Variants in MAML3 observed in about 807,000 individuals in gnomAD.
MAML3 encodes the protein mastermind-like protein 3.
A neutral mutation model predicts 101.9 loss-of-function variants in MAML3; 27 were observed. That is an observed-to-expected ratio of 0.27 (90% confidence interval 0.20 to 0.37). MAML3 has a LOEUF of 0.37. Ranked by LOEUF, MAML3 falls within the 10% of genes least tolerant of loss-of-function variation. The pLI is 1.00. For missense variants in MAML3, 1,316 were observed against 1,444.9 expected (o/e 0.91, Z 1.45); for synonymous variants, 501 against 555.9 (o/e 0.90, Z 1.39).
At chr4:139,796,473 C>G (rs973378739) in intron 2 of MAML3, among the ~76,000 whole-genome samples, 2 of 152,200 alleles carry the variant, frequency 1.3e-5, no homozygotes, top group Non-Finnish European at 2.9e-5. Context: ...TTTCAAGATA[C>G]ACTACCCTCT....
chr4:140,114,593 C>T (rs1222638508), intron 1 of MAML3, among the ~76,000 whole-genome samples: 1 of 152,148 alleles, frequency 6.6e-6, no homozygotes, highest in Non-Finnish European at 1.5e-5. Context: ...TGTATTTCTC[C>T]CCAATAAGCC....
intron 1 of MAML3, among the ~76,000 whole-genome samples, chr4:139,898,672 T>G (rs1732659689): frequency 6.6e-6 from 1 of 152,194 alleles, no homozygotes; most frequent in South Asian, 2.1e-4. Context: ...AGAGAACATT[T>G]TGGTCATTTT....
At chr4:140,062,205 A>T (rs1025110544) in intron 1 of MAML3, among the ~76,000 whole-genome samples, 2 of 152,188 alleles carry the variant, frequency 1.3e-5, no homozygotes, top group Non-Finnish European at 2.9e-5. Context: ...TTTGAGTAAC[A>T]TACCTTCAGA....
rs559308724 is a variant in MAML3 at position 140,136,603 on chromosome 4, C to G, written c.468+16257G>C. On this transcript the variant is annotated intron_variant, in intron 1 of 4. Coordinates refer to ENST00000509479, the MANE Select transcript of MAML3 (RefSeq NM_018717.5). Reference sequence around the variant, plus strand: ...CGATATTAGGAGTAATTTAACCGAACCCATGGTTAATCTCCCTCTTTATAG... The same window carrying G: ...CGATATTAGGAGTAATTTAACCGAAGCCATGGTTAATCTCCCTCTTTATAG... Among the ~76,000 whole-genome samples, 18 of 152,248 alleles carry G rather than the reference C, an allele frequency of 1.2e-4. 1 individual carries two copies. In the South Asian group the frequency reaches 3.7e-3, roughly 32 times the overall value.
At chr4:139,876,222 A>G (rs1355973552) in intron 2 of MAML3, among the ~76,000 whole-genome samples, 4 of 152,246 alleles carry the variant, frequency 2.6e-5, no homozygotes, top group Non-Finnish European at 5.9e-5. Context: ...TTAAATAAAA[A>G]TATATTAAGA....
In MAML3 at chr4:140,077,829, C is replaced by T. The variant is rs138159651; in HGVS notation, c.468+75031G>A. On this transcript the variant is annotated intron_variant, in intron 1 of 4. Transcript: ENST00000509479. ...GGTCAGGAGTTCAAGACCATCCCAG[C>T]CAACATGGTGAAACCCTGTCTCTAC... Among the ~76,000 whole-genome samples, 598 of 152,218 alleles carry T rather than the reference C, an allele frequency of 3.9e-3. 6 individuals carry two copies. The highest frequency in any genetic ancestry group is 0.014 in the African/African-American group (578 of 41,522).
At chr4:140,027,589 C>T (rs991252157) in intron 1 of MAML3, among the ~76,000 whole-genome samples, 22 of 152,210 alleles carry the variant, frequency 1.4e-4, no homozygotes, top group Admixed American at 6.5e-5. Context: ...ACACCTCTCT[C>T]GTTCGCGTCT....
chr4:139,950,475 G>C (rs961427567), intron 1 of MAML3, among the ~76,000 whole-genome samples: 2 of 152,204 alleles, frequency 1.3e-5, no homozygotes, highest in Admixed American at 1.3e-4. Flanking sequence ...TGTCTCTAGA[G>C]GACTCTGATT....
At chr4:139,969,869 G>C (rs1029396900) in intron 1 of MAML3, among the ~76,000 whole-genome samples, 8 of 152,190 alleles carry the variant, frequency 5.3e-5, no homozygotes, top group Non-Finnish European at 8.8e-5. Flanking sequence ...TGTTTCCAAG[G>C]TGAAGCACCT....
intron 1 of MAML3, among the ~76,000 whole-genome samples, chr4:140,114,813 A>G (rs1185538342): frequency 6.6e-6 from 1 of 152,224 alleles, no homozygotes; most frequent in East Asian, 1.9e-4. Flanking sequence ...GTGTACCTTT[A>G]AAAGTTATGG....
At chr4:139,747,811 T>C (rs1462806158) in intron 2 of MAML3, among the ~76,000 whole-genome samples, 3 of 152,166 alleles carry the variant, frequency 2.0e-5, no homozygotes, top group Non-Finnish European at 4.4e-5. Context: ...CCCAGGACTT[T>C]GGGAAGCCAA....
intron 1 of MAML3, among the ~76,000 whole-genome samples, chr4:140,067,745 T>C (rs1727565213): frequency 6.6e-6 from 1 of 150,662 alleles, no homozygotes; most frequent in Non-Finnish European, 1.5e-5. Flanking sequence ...TTTTTTTTTT[T>C]TGAGATGGAG....
intron 1 of MAML3, among the ~76,000 whole-genome samples, chr4:140,011,352 T>A (rs1726558976): frequency 7.3e-6 from 1 of 136,590 alleles, no homozygotes; most frequent in East Asian, 2.3e-4. Context: ...GTTTTTTTTT[T>A]TTTGAGACGG....
intron 1 of MAML3, among the ~76,000 whole-genome samples, chr4:140,107,458 T>C (rs906850121): frequency 6.6e-6 from 1 of 151,974 alleles, no homozygotes; most frequent in African/African-American, 2.4e-5. Context: ...CTGTTCTGTC[T>C]GATATGTCCT....
At chr4:139,894,487 T>G (rs867224753) in intron 1 of MAML3, among the ~76,000 whole-genome samples, 2 of 146,134 alleles carry the variant, frequency 1.4e-5, no homozygotes, top group Non-Finnish European at 3.0e-5. Context: ...TCTAGCCTGC[T>G]GACAGAGCAA....
At chr4:140,006,890 C>A (rs916938832) in intron 1 of MAML3, among the ~76,000 whole-genome samples, 2 of 152,200 alleles carry the variant, frequency 1.3e-5, no homozygotes, top group Admixed American at 1.3e-4. Context: ...TATATTAACT[C>A]ATTTAATCTT....
At chr4:139,998,075 T>C (rs1455923145) in intron 1 of MAML3, among the ~76,000 whole-genome samples, 1 of 152,184 alleles carries the variant, frequency 6.6e-6, no homozygotes. Flanking sequence ...CTATATTTCT[T>C]CAAATATTTT....
intron 2 of MAML3, among the ~76,000 whole-genome samples, chr4:139,816,213 G>C (rs1730890100): frequency 6.6e-6 from 1 of 152,190 alleles, no homozygotes. Context: ...CGTGCTCTGA[G>C]GGGCTGAGCG....
intron 2 of MAML3, among the ~76,000 whole-genome samples, chr4:139,796,700 T>C (rs1016493395): frequency 1.3e-5 from 2 of 152,158 alleles, no homozygotes; most frequent in African/African-American, 4.8e-5. Context: ...TAATATGATA[T>C]AATGAACCAT....
Sources: gnomAD v4.1 joint callset for allele counts (sites outside exome capture counted in the v4.1 genomes callset) on GRCh38, gnomAD v4.1.1 for gene constraint, MANE v1.5 for transcripts, NCBI Gene and HGNC (gene_info 2026-07-23, HGNC 2026-07-21) for gene names.